CDK15: variants seen among roughly 807,000 people sequenced by gnomAD.
CDK15 encodes cyclin-dependent kinase 15.
In CDK15, 62 loss-of-function variants were observed where a neutral mutation model predicts 60.3. That is an observed-to-expected ratio of 1.03 (90% CI 0.84 to 1.27). CDK15 has a LOEUF of 1.27. Among genes scored for constraint, CDK15 ranks in the 50% most tolerant of loss-of-function variants. The probability of loss-of-function intolerance (pLI) is 0.00; values close to 1 mark genes in which losing one functional copy is unlikely to be tolerated. For missense variants in CDK15, 541 were observed against 527.8 expected, an observed-to-expected ratio of 1.03 and a Z score of -0.25; for synonymous variants, 194 against 195.7, an observed-to-expected ratio of 0.99 and a Z score of 0.07.
chr2:201,857,143 G>A (rs563719904), intron 10 of CDK15, among the ~76,000 whole-genome samples: 2 of 52,078 alleles, frequency 3.8e-5, no homozygotes, highest in South Asian at 8.6e-4. Flanking sequence ...GGAGAATGGC[G>A]TGAACCCGGG....
Position 201,857,182 on chromosome 2 carries a change from C to T in CDK15, c.1009+2245C>T, listed in dbSNP as rs1202720800. Among the ~76,000 whole-genome samples the T allele has an allele frequency of 8.6e-5, 3 of 34,828 alleles. 1 individual carries two copies. Among genetic ancestry groups the T allele is most frequent in the South Asian group, 6.4e-4 (1 of 1,568 alleles). The allele number at this position is 34,828 out of a possible 152,430, so 22.8% of individuals were successfully genotyped here. On this transcript the variant is annotated intron_variant, in intron 10 of 13. Transcript: ENST00000652192. ...CGGAGCTTGCAGTGAGCCGAGATTG[C>T]GCCACTGCAGTCCGCAGTCCGACCT...
At chr2:201,879,944 T>C in intron 11 of CDK15, 84 bp from the exon 12 acceptor site, 5 of 1,511,290 alleles carry the variant, frequency 3.3e-6, no homozygotes, top group Non-Finnish European at 4.4e-6. Flanking sequence ...GCCATCTCCT[T>C]TTCTTTACTT....
At position 201,858,667 on chromosome 2, in the gene CDK15, C is replaced by T. The variant is rs1238300703; in HGVS notation, c.1009+3730C>T. Among the ~76,000 whole-genome samples the T allele has an allele frequency of 2.0e-5, 3 of 152,096 alleles. No individual in the cohort carries two copies. In the East Asian group the frequency reaches 5.8e-4, roughly 29 times the overall value. On this transcript the variant is annotated intron_variant, in intron 10 of 13. Transcript: ENST00000652192. ...GTTCTGACGAGCACGGATTCCCAGA[C>T]TCTCAGCAGGATCATTCTCTAACAG...
At chr2:201,839,456 A>T (rs549990698) in intron 8 of CDK15, among the ~76,000 whole-genome samples, 1 of 152,308 alleles carries the variant, frequency 6.6e-6, no homozygotes, top group East Asian at 1.9e-4. Flanking sequence ...GGTGCTCTAA[A>T]GAATACTGTA....
In CDK15 at chr2:201,847,367, A is replaced by G. The variant is rs761612037; in HGVS notation, c.852-14A>G. On this transcript the variant is annotated splice_polypyrimidine_tract_variant and intron_variant, in intron 8 of 13. Coordinates refer to ENST00000652192, the MANE Select transcript of CDK15 (RefSeq NM_001366386.2). Reference sequence around the variant, plus strand: ...TCTTTCAAAGTGTCAATTTACTCTTATTTCATTTGCTAGGGGTGCAGGCTG... The same window carrying G: ...TCTTTCAAAGTGTCAATTTACTCTTGTTTCATTTGCTAGGGGTGCAGGCTG... The G allele has an allele frequency of 6.2e-7, 1 of 1,609,098 alleles. No homozygotes were observed. The highest frequency in any genetic ancestry group is 8.5e-7 in the Non-Finnish European group (1 of 1,177,138).
chr2:201,839,687 C>T (rs866360011), intron 8 of CDK15, among the ~76,000 whole-genome samples: 11 of 146,640 alleles, frequency 7.5e-5, no homozygotes, highest in African/African-American at 2.6e-4. Context: ...GACAGACAGA[C>T]AGATAGATAG....
chr2:201,806,644 T>G lies in CDK15; in HGVS notation c.-21T>G, dbSNP rs769107170. 42 of 1,566,338 alleles carry G rather than the reference T, an allele frequency of 2.7e-5. 1 individual carries two copies. The highest frequency in any genetic ancestry group is 1.8e-4 in the Middle Eastern group (1 of 5,690). Reference sequence around the variant, plus strand: ...GGGGGAAAGGTTCAAGTGCGGGTTTTCTCCTTGAACCTACAAGATTATGGG... The same window carrying G: ...GGGGGAAAGGTTCAAGTGCGGGTTTGCTCCTTGAACCTACAAGATTATGGG... On this transcript the variant is annotated 5_prime_UTR_variant, in exon 1 of 14. Coordinates refer to ENST00000652192, the MANE Select transcript of CDK15 (RefSeq NM_001366386.2).
At chr2:201,822,441 G>T (rs1696269973) in intron 4 of CDK15, among the ~76,000 whole-genome samples, 2 of 152,294 alleles carry the variant, frequency 1.3e-5, no homozygotes, top group Non-Finnish European at 2.9e-5. Context: ...TCCATTTCCT[G>T]CTCCTCCAAA....
rs1251345103 is a variant in CDK15 at position 201,860,131 on chromosome 2, G to A, written c.1009+5194G>A. Among the ~76,000 whole-genome samples the A allele has an allele frequency of 2.6e-5, 4 of 152,144 alleles. No individual in the cohort carries two copies. In the East Asian group the frequency reaches 5.8e-4, roughly 22 times the overall value. Reference sequence around the variant, plus strand: ...TAGCTCTGTTTGCTTCCTTAAACACGGTTTTTGAAAGCGCTCACGCTGTGT... The same window carrying A: ...TAGCTCTGTTTGCTTCCTTAAACACAGTTTTTGAAAGCGCTCACGCTGTGT... On this transcript the variant is annotated intron_variant, in intron 10 of 13. Transcript: ENST00000652192.
At chr2:201,827,554 C>T (rs1218446154) in intron 6 of CDK15, among the ~76,000 whole-genome samples, 2 of 152,154 alleles carry the variant, frequency 1.3e-5, no homozygotes, top group Admixed American at 6.5e-5. Flanking sequence ...TCACTGTGGT[C>T]TGTAGGATAT....
At chr2:201,862,640 G>C (rs921298979) in intron 10 of CDK15, among the ~76,000 whole-genome samples, 2 of 152,172 alleles carry the variant, frequency 1.3e-5, no homozygotes, top group African/African-American at 4.8e-5. Flanking sequence ...AGCCTTATCA[G>C]ATAGAGACAA....
rs544985192 is a variant in CDK15, at chr2:201,861,344, T to C, written c.1009+6407T>C. On this transcript the variant is annotated intron_variant, in intron 10 of 13. Transcript: ENST00000652192. ...AGATGAGGAAACAGAGGCTTTCTCC[T>C]AGGCTCACAGAGAGGTGTATACTTA... is the stretch of plus-strand genomic sequence containing the variant. 1.6e-4 allele frequency: 158 copies of C among 988,512 alleles called. No homozygotes were observed. The African/African-American group carries it at 2.6e-3, about 16-fold the overall frequency. The allele number at this position is 988,512 out of a possible 1,614,324, so 61.2% of individuals were successfully genotyped here.
intron 8 of CDK15, among the ~76,000 whole-genome samples, chr2:201,840,241 T>A (rs1447094378): frequency 6.6e-6 from 1 of 152,122 alleles, no homozygotes; most frequent in Non-Finnish European, 1.5e-5. Flanking sequence ...TCCCAAAGTG[T>A]TGGGATTACA....
At chr2:201,870,542 C>T (rs1420444560) in intron 10 of CDK15, among the ~76,000 whole-genome samples, 1 of 150,386 alleles carries the variant, frequency 6.6e-6, no homozygotes, top group Non-Finnish European at 1.5e-5. Flanking sequence ...AAGCGAGACT[C>T]CCATCTCTAA....
chr2:201,814,621 G>A (rs1695913426), intron 4 of CDK15, among the ~76,000 whole-genome samples: 1 of 152,168 alleles, frequency 6.6e-6, no homozygotes, highest in African/African-American at 2.4e-5. Flanking sequence ...GGAAGGCAAA[G>A]TAAGAACAGC....
chr2:201,866,449 A>G (rs115565094), intron 10 of CDK15, among the ~76,000 whole-genome samples: 3,118 of 152,206 alleles, frequency 0.02, 54 homozygotes, highest in Non-Finnish European at 0.03. Flanking sequence ...TTCTGCCCTC[A>G]TTTTGATTTC....
intron 6 of CDK15, among the ~76,000 whole-genome samples, chr2:201,831,257 A>G (rs1452889654): frequency 6.6e-6 from 1 of 152,182 alleles, no homozygotes; most frequent in African/African-American, 2.4e-5. Context: ...CTTCCCTATA[A>G]GGAGTTGGCT....
chr2:201,888,130 C>G lies in CDK15; in HGVS notation c.1199-2655C>G, dbSNP rs1175033692. The stretch of plus-strand genomic sequence containing the variant: ...TTGTTTCCTGTGAAAGGTTATTTAG[C>G]CCCTCAATCCCATTAAGTCACTTTC... On this transcript the variant is annotated intron_variant, in intron 12 of 13. Coordinates refer to ENST00000652192, the MANE Select transcript of CDK15 (RefSeq NM_001366386.2). Among the ~76,000 whole-genome samples, 5 of 150,728 alleles carry G rather than the reference C, an allele frequency of 3.3e-5. No homozygotes were observed. In the Admixed American group the frequency reaches 3.3e-4, roughly 10 times the overall value.
chr2:201,837,779 T>C (rs530405258), intron 8 of CDK15, among the ~76,000 whole-genome samples: 7 of 152,266 alleles, frequency 4.6e-5, no homozygotes, highest in African/African-American at 1.7e-4. Context: ...AGAAAGGGTT[T>C]ATATAAAAAC....
Sources: allele counts gnomAD v4.1 joint callset (sites outside exome capture counted in the v4.1 genomes callset), GRCh38; gene constraint gnomAD v4.1.1; transcripts MANE v1.5; gene names NCBI Gene and HGNC (gene_info 2026-07-23, HGNC 2026-07-21).